DLG2: variants seen among roughly 807,000 people sequenced by gnomAD.
The protein encoded by DLG2 is discs large MAGUK scaffold protein 2, also known as disks large homolog 2.
A neutral mutation model predicts 132.5 loss-of-function variants in DLG2; 45 were observed. The ratio of observed to expected loss-of-function variants is 0.34; its 90% CI spans 0.27 to 0.44. The LOEUF (loss-of-function observed/expected upper bound fraction) is 0.44, where lower values mean the gene tolerates loss of function less well. Among genes scored for constraint, DLG2 ranks in the 20% least tolerant of loss-of-function variants. The pLI, the probability that DLG2 is intolerant of heterozygous loss-of-function variation, is 1.00. For missense variants in DLG2, 1,045 were observed against 1,196.9 expected, an observed-to-expected ratio of 0.87 and a Z score of 1.87; for synonymous variants, 424 against 419.6, an observed-to-expected ratio of 1.01 and a Z score of -0.13.
At chr11:85,005,339 C>G (rs546364815) in intron 6 of DLG2, among the ~76,000 whole-genome samples, 3 of 152,164 alleles carry the variant, frequency 2.0e-5, no homozygotes, top group East Asian at 3.9e-4. Flanking sequence ...TTTCACAATA[C>G]TGATTCTTCC....
At chr11:85,325,162 G>A (rs1273761329) in intron 3 of DLG2, among the ~76,000 whole-genome samples, 6 of 142,958 alleles carry the variant, frequency 4.2e-5, no homozygotes, top group Non-Finnish European at 9.2e-5. Flanking sequence ...AGCAGTCTGA[G>A]ATCAAACTGC....
chr11:85,521,997 G>A (rs1207000035), intron 3 of DLG2, among the ~76,000 whole-genome samples: 7 of 152,162 alleles, frequency 4.6e-5, no homozygotes, highest in South Asian at 2.1e-4. Context: ...TAAGTAACAA[G>A]GAGCTAAATG....
chr11:83,988,455 A>G (rs1164128621), intron 11 of DLG2, among the ~76,000 whole-genome samples: 1 of 152,138 alleles, frequency 6.6e-6, no homozygotes, highest in Non-Finnish European at 1.5e-5. Flanking sequence ...AAGAATGTCA[A>G]TGGTAGTTTG....
intron 9 of DLG2, among the ~76,000 whole-genome samples, chr11:84,122,293 C>A (rs1286255642): frequency 3.9e-5 from 6 of 152,124 alleles, no homozygotes; most frequent in Non-Finnish European, 7.3e-5. Flanking sequence ...GCACTCCAGC[C>A]TGGGTGACAG....
intron 3 of DLG2, among the ~76,000 whole-genome samples, chr11:85,361,437 A>G (rs1408989114): frequency 1.3e-5 from 2 of 152,142 alleles, no homozygotes; most frequent in Non-Finnish European, 2.9e-5. Context: ...TGTACCCAAT[A>G]AATAATTTTT....
At chr11:84,166,925 T>A (rs772013009) in intron 8 of DLG2, 1 of 533,296 alleles carries the variant, frequency 1.9e-6, no homozygotes, top group Non-Finnish European at 3.8e-6. Flanking sequence ...TTTTTTCTTG[T>A]ACAGTAACAC....
chr11:85,576,110 C>T (rs997904815), intron 3 of DLG2, among the ~76,000 whole-genome samples: 1 of 152,066 alleles, frequency 6.6e-6, no homozygotes, highest in Non-Finnish European at 1.5e-5. Context: ...CTCAGAAGTC[C>T]TCTAGATTAA....
At chr11:84,302,383 GA>G (rs1236337476) in intron 7 of DLG2, among the ~76,000 whole-genome samples, 1 of 152,008 alleles carries the variant, frequency 6.6e-6, no homozygotes, top group Non-Finnish European at 1.5e-5. Flanking sequence ...TTCTAACTTA[GA>G]AAAATGTTCA....
chr11:84,383,360 T>C (rs2154434812), intron 7 of DLG2, among the ~76,000 whole-genome samples: 2 of 152,214 alleles, frequency 1.3e-5, no homozygotes, highest in East Asian at 3.9e-4. Context: ...CTGCTGTCCA[T>C]GCATTTACCT....
intron 18 of DLG2, among the ~76,000 whole-genome samples, chr11:83,644,574 C>T (rs192420132): frequency 9.9e-5 from 15 of 151,974 alleles, no homozygotes; most frequent in Non-Finnish European, 5.9e-5. Context: ...ATTAATATTG[C>T]GAGTATTTTG....
intron 6 of DLG2, among the ~76,000 whole-genome samples, chr11:84,617,270 T>C (rs1457583736): frequency 6.6e-6 from 1 of 152,016 alleles, no homozygotes; most frequent in Non-Finnish European, 1.5e-5. Context: ...TTGCTGAGAA[T>C]GATGGTTTCC....
chr11:85,252,886 C>A (rs2152699174), intron 4 of DLG2, among the ~76,000 whole-genome samples: 1 of 152,242 alleles, frequency 6.6e-6, no homozygotes, highest in South Asian at 2.1e-4. Context: ...TGAATCTATC[C>A]TTCTAGCAAT....
rs942801342 is a variant in DLG2, at chr11:85,214,473, A to G, written c.187-59822T>C. Among the ~76,000 whole-genome samples the G allele has an allele frequency of 2.0e-5, 3 of 152,094 alleles. No homozygotes were observed. In the East Asian group the frequency reaches 5.8e-4, roughly 29 times the overall value. Reference sequence around the variant, plus strand: ...CATCTCTCCCTACACGTCCCTGCCCACTACCAATATATACTCCACTGTGGC... The same window carrying G: ...CATCTCTCCCTACACGTCCCTGCCCGCTACCAATATATACTCCACTGTGGC... On this transcript the variant is annotated intron_variant, in intron 4 of 27. Coordinates refer to ENST00000376104, the MANE Select transcript of DLG2 (RefSeq NM_001142699.3).
intron 4 of DLG2, among the ~76,000 whole-genome samples, chr11:85,180,696 T>C (rs1297428475): frequency 1.3e-5 from 2 of 151,824 alleles, no homozygotes; most frequent in Non-Finnish European, 2.9e-5. Context: ...AGCCCAGGAA[T>C]GTCAGAGCTG....
chr11:85,162,138 T>C (rs1318118441), intron 4 of DLG2, among the ~76,000 whole-genome samples: 1 of 152,178 alleles, frequency 6.6e-6, no homozygotes, highest in African/African-American at 2.4e-5. Flanking sequence ...AAGGGAGTTA[T>C]AGTGTTGGCT....
chr11:85,156,999 G>T (rs1046557705), intron 4 of DLG2, among the ~76,000 whole-genome samples: 24 of 152,212 alleles, frequency 1.6e-4, no homozygotes, highest in African/African-American at 5.8e-4. Context: ...GAGTGAGTGG[G>T]ATGGGAAAGG....
chr11:83,692,114 G>A (rs1475536062), intron 18 of DLG2: 2 of 152,140 alleles, frequency 1.3e-5, no homozygotes, highest in African/African-American at 2.4e-5. Flanking sequence ...GAAGCTTTCT[G>A]ACACCTAAGT....
At chr11:85,146,112 G>A (rs2076823171) in intron 5 of DLG2, among the ~76,000 whole-genome samples, 1 of 152,030 alleles carries the variant, frequency 6.6e-6, no homozygotes, top group African/African-American at 2.4e-5. Context: ...GTACCACCTT[G>A]GTAGGCTTGG....
intron 7 of DLG2, among the ~76,000 whole-genome samples, chr11:84,506,366 C>T (rs1039398416): frequency 6.6e-6 from 1 of 151,920 alleles, no homozygotes; most frequent in South Asian, 2.1e-4. Flanking sequence ...TGAGCCACCG[C>T]GCCCGGCCCT....
Sources: gnomAD v4.1 joint callset for allele counts (sites outside exome capture counted in the v4.1 genomes callset) on GRCh38, gnomAD v4.1.1 for gene constraint, MANE v1.5 for transcripts, NCBI Gene and HGNC (gene_info 2026-07-23, HGNC 2026-07-21) for gene names.